HS6ST3: variants seen among roughly 807,000 people sequenced by gnomAD.
HS6ST3 encodes the protein heparan sulfate 6-O-sulfotransferase 3.
A neutral mutation model predicts 36.7 loss-of-function variants in HS6ST3; 12 were observed. That is an observed-to-expected ratio of 0.33 (90% CI 0.21 to 0.53). HS6ST3 has a LOEUF of 0.53. Among genes scored for constraint, HS6ST3 ranks in the 20% least tolerant of loss-of-function variants. The pLI is 0.95. For synonymous variants in HS6ST3, 240 were observed against 257.5 expected, an observed-to-expected ratio of 0.93 and a Z score of 0.65; for missense variants, 584 against 640.9, an observed-to-expected ratio of 0.91 and a Z score of 0.96.
intron 1 of HS6ST3, among the ~76,000 whole-genome samples, chr13:96,108,190 C>T (rs2053850856): frequency 6.6e-6 from 1 of 152,120 alleles, no homozygotes; most frequent in African/African-American, 2.4e-5. Flanking sequence ...CAGGGGGAGG[C>T]CTCAAAAATG....
chr13:96,522,078 A>G (rs1379090690), intron 1 of HS6ST3, among the ~76,000 whole-genome samples: 1 of 152,188 alleles, frequency 6.6e-6, no homozygotes, highest in Non-Finnish European at 1.5e-5. Context: ...TTCAAAGAAC[A>G]TCTTTATTTC....
intron 1 of HS6ST3, among the ~76,000 whole-genome samples, chr13:96,134,735 T>A (rs998105517): frequency 9.2e-5 from 14 of 152,346 alleles, no homozygotes; most frequent in Admixed American, 9.1e-4. Flanking sequence ...TGACCGTCTC[T>A]CACAGTTGCT....
At chr13:96,491,346 G>A (rs1286872182) in intron 1 of HS6ST3, among the ~76,000 whole-genome samples, 5 of 151,786 alleles carry the variant, frequency 3.3e-5, no homozygotes, top group African/African-American at 1.2e-4. Context: ...GGGAATCAGG[G>A]ACACATTTCA....
intron 1 of HS6ST3, among the ~76,000 whole-genome samples, chr13:96,165,832 G>C (rs978659973): frequency 2.0e-5 from 3 of 152,254 alleles, no homozygotes; most frequent in South Asian, 2.1e-4. Flanking sequence ...CCTTAGGAAG[G>C]GGTGGTGAAT....
Position 96,646,863 on chromosome 13 carries a change from C to T in HS6ST3, c.708-185627C>T, listed in dbSNP as rs139688255. The stretch of plus-strand genomic sequence containing the variant: ...GGAAAAATTTAATAACTGACTTTTT[C>T]CCCTTTTTCAAGTCACAATTTCAAT... On this transcript the variant is annotated intron_variant, in intron 1 of 1. Transcript: ENST00000376705. Among the ~76,000 whole-genome samples, 11 of 152,026 alleles carry T rather than the reference C, an allele frequency of 7.2e-5. No homozygotes were observed. In the East Asian group the frequency reaches 1.9e-3, roughly 27 times the overall value.
At chr13:96,796,010 G>A (rs1464865842) in intron 1 of HS6ST3, among the ~76,000 whole-genome samples, 1 of 152,200 alleles carries the variant, frequency 6.6e-6, no homozygotes, top group East Asian at 1.9e-4. Flanking sequence ...GGCTATGAAA[G>A]CCCAAACTGC....
At chr13:96,309,124 T>C (rs991635812) in intron 1 of HS6ST3, among the ~76,000 whole-genome samples, 2 of 152,288 alleles carry the variant, frequency 1.3e-5, no homozygotes, top group South Asian at 4.1e-4. Flanking sequence ...AATATTGTTA[T>C]AGGTTGTGTA....
Position 96,793,405 on chromosome 13 carries a change from A to G in HS6ST3, c.708-39085A>G, listed in dbSNP as rs191393452. ...ACCTTTTGCTTGCCACAGAGGCTAG[A>G]CGTCTATAAACAGAAACATTATTCT... On this transcript the variant is annotated intron_variant, in intron 1 of 1. Transcript: ENST00000376705. Among the ~76,000 whole-genome samples, 7 of 152,170 alleles carry G rather than the reference A, an allele frequency of 4.6e-5. No homozygotes were observed. In the East Asian group the frequency reaches 1.4e-3, roughly 29 times the overall value.
chr13:96,440,349 G>A (rs1413542970), intron 1 of HS6ST3, among the ~76,000 whole-genome samples: 9 of 152,018 alleles, frequency 5.9e-5, no homozygotes, highest in Non-Finnish European at 1.3e-4. Context: ...GGGTGGCTGA[G>A]GCATGAGAAT....
intron 1 of HS6ST3, among the ~76,000 whole-genome samples, chr13:96,715,428 T>C (rs1168206248): frequency 6.6e-6 from 1 of 152,148 alleles, no homozygotes; most frequent in African/African-American, 2.4e-5. Context: ...TAAGAAAAAC[T>C]AGAACAAATA....
At position 96,091,416 on chromosome 13, in the gene HS6ST3, C is replaced by G; in HGVS notation, c.554C>G (p.Thr185Ser). The change falls in exon 1 of 2, where the codon ACC (threonine) becomes AGC (serine). Residue 185 changes from threonine to serine, a missense_variant. Coordinates refer to ENST00000376705, the MANE Select transcript of HS6ST3 (RefSeq NM_153456.4). ...TGCAAAGCGGGTCAGAAGAAGTGCA[C>G]CTGCCACCGGCCTGGCAAGAAGGAG... is the stretch of plus-strand genomic sequence containing the variant. ...CSCKAGQKKC[T>S]CHRPGKKETW... 1 of 1,613,150 alleles carries G rather than the reference C, an allele frequency of 6.2e-7. No homozygotes were observed. The highest frequency in any genetic ancestry group is 1.1e-5 in the South Asian group (1 of 90,908).
chr13:96,316,257 C>CTGTGTGTGTG (rs10534465), intron 1 of HS6ST3, among the ~76,000 whole-genome samples: 25 of 147,268 alleles, frequency 1.7e-4, no homozygotes, highest in African/African-American at 4.0e-4. Context: ...CTACATACAC[C>CTGTGTGTGTG]TGTGTGTGTG....
chr13:96,489,869 T>G (rs528225735), intron 1 of HS6ST3, among the ~76,000 whole-genome samples: 2 of 152,134 alleles, frequency 1.3e-5, no homozygotes, highest in Non-Finnish European at 2.9e-5. Flanking sequence ...ATTCTTAAAA[T>G]GTCTTCTTCC....
At chr13:96,565,619 G>A (rs1470070251) in intron 1 of HS6ST3, among the ~76,000 whole-genome samples, 3 of 152,152 alleles carry the variant, frequency 2.0e-5, no homozygotes, top group Admixed American at 2.0e-4. Flanking sequence ...AAGGACCTCA[G>A]CTCTTAGTAT....
intron 1 of HS6ST3, among the ~76,000 whole-genome samples, chr13:96,331,743 A>G (rs1238376628): frequency 6.6e-6 from 1 of 152,154 alleles, no homozygotes; most frequent in Non-Finnish European, 1.5e-5. Context: ...TGTTTACCTA[A>G]GCAAGCCTGG....
intron 1 of HS6ST3, among the ~76,000 whole-genome samples, chr13:96,274,215 T>C (rs1469948062): frequency 6.6e-6 from 1 of 151,836 alleles, no homozygotes; most frequent in African/African-American, 2.4e-5. Flanking sequence ...TCCAAAGTTC[T>C]GACTGTTTCC....
At chr13:96,488,078 A>G (rs1402552351) in intron 1 of HS6ST3, among the ~76,000 whole-genome samples, 2 of 152,124 alleles carry the variant, frequency 1.3e-5, no homozygotes, top group Admixed American at 6.6e-5. Context: ...TCTTTGCAAA[A>G]TGTTTCATTT....
intron 1 of HS6ST3, among the ~76,000 whole-genome samples, chr13:96,416,752 A>AT (rs1023013886): frequency 0.014 from 1,829 of 130,820 alleles, 19 homozygotes; most frequent in East Asian, 0.028. Context: ...ATAGGGTAAC[A>AT]TTTTTTTTTT....
intron 1 of HS6ST3, among the ~76,000 whole-genome samples, chr13:96,785,579 A>G (rs1877628186): frequency 6.6e-6 from 1 of 152,184 alleles, no homozygotes; most frequent in Non-Finnish European, 1.5e-5. Context: ...AAAGGCTTTC[A>G]TTGTGCCTTG....
Sources: gnomAD v4.1 joint callset for allele counts (sites outside exome capture counted in the v4.1 genomes callset) on GRCh38, gnomAD v4.1.1 for gene constraint, MANE v1.5 for transcripts, NCBI Gene and HGNC (gene_info 2026-07-23, HGNC 2026-07-21) for gene names.